KCNJ16: variants seen among roughly 807,000 people sequenced by gnomAD.
KCNJ16 encodes potassium inwardly rectifying channel subfamily J member 16, also known as inward rectifier potassium channel 16.
A neutral mutation model predicts 18.5 loss-of-function variants in KCNJ16; 15 were observed. That is an observed-to-expected ratio of 0.81 (90% CI 0.54 to 1.25). The LOEUF is 1.25. Ranked by LOEUF, KCNJ16 falls within the 50% of genes most tolerant of loss-of-function variation. The probability of loss-of-function intolerance (pLI) is 0.00; values close to 1 mark genes in which losing one functional copy is unlikely to be tolerated. For synonymous variants in KCNJ16, 174 were observed against 186.5 expected (o/e 0.93, Z 0.55); for missense variants, 523 against 525.7 (o/e 0.99, Z 0.05).
intron 2 of KCNJ16, among the ~76,000 whole-genome samples, chr17:70,108,930 C>T (rs145146546): frequency 4.6e-5 from 7 of 152,044 alleles, no homozygotes; most frequent in South Asian, 4.1e-4. Context: ...TGATTCCACA[C>T]GCACGTCCTT....
intron 1 of KCNJ16, among the ~76,000 whole-genome samples, chr17:70,092,600 T>C (rs2072172578): frequency 6.6e-6 from 1 of 151,600 alleles, no homozygotes; most frequent in South Asian, 2.1e-4. Flanking sequence ...GATAGATAGA[T>C]AGATAGATAG....
rs1428781531 is a variant in KCNJ16, at chr17:70,135,431, C to T, written c.*2087C>T. On this transcript the variant is annotated 3_prime_UTR_variant, in exon 4 of 4. Coordinates refer to ENST00000392671, the MANE Select transcript of KCNJ16 (RefSeq NM_170741.4). ...TATCAGAATAGGGGCATCAGTGTCC[C>T]GTGAAATACATTTTGTTGTGCTATG... 1 of 166,960 alleles carries T rather than the reference C, an allele frequency of 6.0e-6. No individual in the cohort carries two copies. The highest frequency in any genetic ancestry group is 1.5e-5 in the Non-Finnish European group (1 of 68,104). The allele number at this position is 166,960 out of a possible 1,614,324, so 10.3% of individuals were successfully genotyped here. A position where few individuals can be genotyped will look rare whatever the true frequency, so the allele number is the denominator to read the frequency against.
chr17:70,124,760 C>T (rs1052614434), intron 2 of KCNJ16, among the ~76,000 whole-genome samples: 4 of 152,142 alleles, frequency 2.6e-5, no homozygotes, highest in African/African-American at 9.7e-5. Context: ...TGATAATCAC[C>T]TTGTGGATTT....
intron 2 of KCNJ16, among the ~76,000 whole-genome samples, chr17:70,126,188 A>T (rs1164502695): frequency 6.6e-6 from 1 of 152,184 alleles, no homozygotes; most frequent in Non-Finnish European, 1.5e-5. Context: ...TTAAAGTGAA[A>T]CTGATTCTTA....
chr17:70,112,501 A>C (rs1337883030), intron 2 of KCNJ16, among the ~76,000 whole-genome samples: 7 of 150,304 alleles, frequency 4.7e-5, no homozygotes, highest in Non-Finnish European at 1.0e-4. Flanking sequence ...GAACTCTATG[A>C]ATGAAAAAAA....
chr17:70,101,306 A>G (rs1403517110), intron 2 of KCNJ16: 1 of 152,226 alleles, frequency 6.6e-6, no homozygotes, highest in Non-Finnish European at 1.5e-5. Flanking sequence ...TGAGGTTGAG[A>G]AACCCAGATC....
chr17:70,096,717 G>A (rs573142676), intron 1 of KCNJ16: 4 of 371,924 alleles, frequency 1.1e-5, no homozygotes, highest in East Asian at 3.8e-5. Context: ...TCATAATCAG[G>A]TGATAACAAC....
intron 2 of KCNJ16, among the ~76,000 whole-genome samples, chr17:70,113,891 C>T (rs952851637): frequency 1.3e-5 from 2 of 152,078 alleles, no homozygotes; most frequent in African/African-American, 4.8e-5. Flanking sequence ...CCTGTCAGCT[C>T]TCTAAATCTT....
chr17:70,077,519 A>G (rs940432076), intron 1 of KCNJ16, among the ~76,000 whole-genome samples: 1 of 152,204 alleles, frequency 6.6e-6, no homozygotes, highest in Non-Finnish European at 1.5e-5. Context: ...TTGTAAGGGA[A>G]ACACAAATCT....
At chr17:70,131,297 T>C in intron 3 of KCNJ16, 1 of 1,137,818 alleles carries the variant, frequency 8.8e-7, no homozygotes, top group African/African-American at 1.6e-5. Flanking sequence ...TACCTGGGAG[T>C]AGTTTTAGGT....
chr17:70,108,355 T>A (rs2073026088), intron 2 of KCNJ16: 1 of 152,192 alleles, frequency 6.6e-6, no homozygotes, highest in Non-Finnish European at 1.5e-5. Flanking sequence ...TCTCTGCTGG[T>A]CAGTCACGCA....
Position 70,121,173 on chromosome 17 carries a change from C to A in KCNJ16, c.-190-9706C>A, listed in dbSNP as rs1598167029. Among the ~76,000 whole-genome samples the A allele has an allele frequency of 2.6e-5, 4 of 152,062 alleles. 1 individual carries two copies. In the South Asian group the frequency reaches 8.3e-4, roughly 31 times the overall value. ...GGGTATCAATGACAATTAAGAAGTT[C>A]TTTTTGGAGGATCTGTCCCTAGGCA... is the stretch of plus-strand genomic sequence containing the variant. On this transcript the variant is annotated intron_variant, in intron 2 of 3. Transcript: ENST00000392671.
intron 2 of KCNJ16, among the ~76,000 whole-genome samples, chr17:70,105,988 A>C (rs567644836): frequency 6.6e-6 from 1 of 152,322 alleles, no homozygotes; most frequent in Admixed American, 6.5e-5. Context: ...TCTTGAAATA[A>C]TCCTGAGAAT....
chr17:70,092,184 A>T (rs1375165207), intron 1 of KCNJ16, among the ~76,000 whole-genome samples: 1 of 152,176 alleles, frequency 6.6e-6, no homozygotes, highest in African/African-American at 2.4e-5. Flanking sequence ...CTCAAATCAC[A>T]TCTTTTACAT....
At chr17:70,087,256 G>A (rs2071845276) in intron 1 of KCNJ16, among the ~76,000 whole-genome samples, 1 of 152,030 alleles carries the variant, frequency 6.6e-6, no homozygotes, top group Non-Finnish European at 1.5e-5. Flanking sequence ...TATGGCAATA[G>A]GAATACTAAG....
intron 1 of KCNJ16, among the ~76,000 whole-genome samples, chr17:70,089,347 ATTAAT>A (rs1458765248): frequency 2.0e-5 from 3 of 152,336 alleles, no homozygotes; most frequent in South Asian, 2.1e-4. Flanking sequence ...TTATTTTTAA[ATTAAT>A]TTAAGAGTCT....
At chr17:70,127,763 A>AG (rs2073904803) in intron 2 of KCNJ16, among the ~76,000 whole-genome samples, 1 of 152,152 alleles carries the variant, frequency 6.6e-6, no homozygotes, top group African/African-American at 2.4e-5. Flanking sequence ...ATCTCATCTT[A>AG]TAGTTGTCAG....
rs1439795750 is a variant in KCNJ16, at chr17:70,130,236, C to T, written c.-190-643C>T. 2.6e-5 allele frequency among the ~76,000 whole-genome samples: 4 copies of T among 152,100 alleles called. No individual in the cohort carries two copies. In the East Asian group the frequency reaches 5.8e-4, roughly 22 times the overall value. ...TGTAAAATATTGTTCAATGACAAGTCAGACAGATAGAAACCTCCAAAGCAT... is the reference window on the plus strand; with the variant it reads ...TGTAAAATATTGTTCAATGACAAGTTAGACAGATAGAAACCTCCAAAGCAT... On this transcript the variant is annotated intron_variant, in intron 2 of 3. Transcript: ENST00000392671.
chr17:70,133,127 AAGACCAGC>A lies in KCNJ16; in HGVS notation c.1043_1050del (p.Asp348AlafsTer25). The A allele has an allele frequency of 6.2e-7, 1 of 1,614,188 alleles. No individual in the cohort carries two copies. Among genetic ancestry groups the A allele is most frequent in the South Asian group, 1.1e-5 (1 of 91,086 alleles). On this transcript the variant is annotated frameshift_variant, in exon 4 of 4. Coordinates refer to ENST00000392671, the MANE Select transcript of KCNJ16 (RefSeq NM_170741.4). LOFTEE classifies it low-confidence loss of function (END_TRUNC). ...TGCAGTGCCAAGCAATTGGACTGGA[AAGACCAGC>A]AGCTCCACATAGAAAAAGCACCACC...
Sources: allele counts gnomAD v4.1 joint callset (sites outside exome capture counted in the v4.1 genomes callset), GRCh38; gene constraint gnomAD v4.1.1; transcripts MANE v1.5; gene names NCBI Gene and HGNC (gene_info 2026-07-23, HGNC 2026-07-21).